TARBP1: variants seen among roughly 807,000 people sequenced by gnomAD.
The protein encoded by TARBP1 is tRNA guanosine 2 -O-methyltransferase TARBP1.
In TARBP1, 144 loss-of-function variants were observed where a neutral mutation model predicts 178.6. That is an observed-to-expected ratio of 0.81 (90% CI 0.70 to 0.93). The LOEUF (loss-of-function observed/expected upper bound fraction) is 0.93, where lower values mean the gene tolerates loss of function less well. Among genes scored for constraint, TARBP1 ranks in the 40% least tolerant of loss-of-function variants. TARBP1 has a pLI of 0.00. For synonymous variants in TARBP1, 787 were observed against 781.0 expected, an observed-to-expected ratio of 1.01 and a Z score of -0.13; for missense variants, 2,067 against 2,011.7, an observed-to-expected ratio of 1.03 and a Z score of -0.53.
intron 25 of TARBP1, 105 bp from the exon 26 acceptor site, chr1:234,398,658 A>G: frequency 1.2e-6 from 1 of 823,566 alleles, no homozygotes; most frequent in Non-Finnish European, 1.8e-6. Context: ...TCTCCAAACT[A>G]TTACATCTGA....
chr1:234,405,927 T>C lies in TARBP1; in HGVS notation c.3965A>G (p.Gln1322Arg). 6.2e-7 allele frequency: 1 copy of C among 1,614,140 alleles called. No homozygotes were observed. The highest frequency in any genetic ancestry group is 1.1e-5 in the South Asian group (1 of 91,082). ...CCCTGCTCCGTGCATGCTTTCCACT[T>C]GATGGAGGCTGGATTCAATCACAGG... The part of the protein sequence containing the change: ...LTPVIESSLH[Q>R]VESMHGAGNA... Residue 1322 changes from glutamine to arginine, a missense_variant, in exon 24 of 30, where the codon CAA becomes CGA. Coordinates refer to ENST00000040877, the MANE Select transcript of TARBP1 (RefSeq NM_005646.4).
chr1:234,420,380 T>C (rs573636970), intron 21 of TARBP1, among the ~76,000 whole-genome samples: 51 of 152,206 alleles, frequency 3.4e-4, no homozygotes, highest in African/African-American at 1.2e-3. Flanking sequence ...CTACAGAAAA[T>C]TAGGAGTTAA....
At chr1:234,471,309 TG>T (rs10713847) in intron 2 of TARBP1, 52 bp from the exon 3 acceptor site, 115,401 of 1,227,180 alleles carry the variant, frequency 0.094, 6,691 homozygotes, top group African/African-American at 0.26. Context: ...TCTTGAAAAA[TG>T]TCAGGCAATT....
chr1:234,403,617 C>G (rs201707906), intron 24 of TARBP1, among the ~76,000 whole-genome samples: 1 of 152,196 alleles, frequency 6.6e-6, no homozygotes, highest in Non-Finnish European at 1.5e-5. Context: ...GTGCCTGTCA[C>G]AAGCCGATCC....
chr1:234,416,455 C>A (rs1312220533), intron 22 of TARBP1, among the ~76,000 whole-genome samples: 1 of 152,174 alleles, frequency 6.6e-6, no homozygotes, highest in Non-Finnish European at 1.5e-5. Context: ...CACCACCCCA[C>A]CTGGCTAATT....
intron 6 of TARBP1, among the ~76,000 whole-genome samples, chr1:234,463,562 G>A (rs1261173345): frequency 6.6e-6 from 1 of 152,104 alleles, no homozygotes; most frequent in Non-Finnish European, 1.5e-5. Context: ...AAACTGAATA[G>A]TAGACAATTA....
chr1:234,395,769 C>A (rs1440101609), intron 26 of TARBP1, among the ~76,000 whole-genome samples: 1 of 152,026 alleles, frequency 6.6e-6, no homozygotes, highest in Non-Finnish European at 1.5e-5. Flanking sequence ...GAAGACTGGG[C>A]CCGTGAAAAC....
intron 3 of TARBP1, among the ~76,000 whole-genome samples, chr1:234,470,620 CT>C (rs1160690637): frequency 0.015 from 2,194 of 146,316 alleles, 51 homozygotes; most frequent in African/African-American, 0.048. Flanking sequence ...AAATTGTGTT[CT>C]TTTTTTTTTT....
At chr1:234,469,207 ATATCT>A (rs1173932441) in intron 3 of TARBP1, among the ~76,000 whole-genome samples, 2 of 151,692 alleles carry the variant, frequency 1.3e-5, no homozygotes, top group Admixed American at 6.6e-5. Context: ...GAATAAATAA[ATATCT>A]TAGAGATATT....
At chr1:234,469,077 T>TTA (rs1413764322) in intron 3 of TARBP1, among the ~76,000 whole-genome samples, 781 of 63,558 alleles carry the variant, frequency 0.012, 20 homozygotes, top group African/African-American at 0.042. Context: ...TTTTTTTTTT[T>TTA]AAAAAAAAAA....
Position 234,433,265 on chromosome 1 carries a change from T to C in TARBP1, c.2394+145A>G, listed in dbSNP as rs1664660840. 12 of 869,068 alleles carry C rather than the reference T, an allele frequency of 1.4e-5. No individual in the cohort carries two copies. The South Asian group carries it at 2.1e-4, about 15-fold the overall frequency. The allele number at this position is 869,068 out of a possible 1,614,324, so 53.8% of individuals were successfully genotyped here. A position where few individuals can be genotyped will look rare whatever the true frequency, so the allele number is the denominator to read the frequency against. ...AAAAACAAAAAGTATCAATCTTAACTACATCTTATCACTAGAGGGTATATT... is the reference window on the plus strand; with the variant it reads ...AAAAACAAAAAGTATCAATCTTAACCACATCTTATCACTAGAGGGTATATT... On this transcript the variant is annotated intron_variant, in intron 14 of 29. Coordinates refer to ENST00000040877, the MANE Select transcript of TARBP1 (RefSeq NM_005646.4).
intron 28 of TARBP1, 61 bp downstream of exon 28, chr1:234,393,301 T>C: frequency 7.3e-7 from 1 of 1,372,762 alleles, no homozygotes; most frequent in South Asian, 2.3e-5. Flanking sequence ...TTATTTTAGG[T>C]TCACGGGTAC....
chr1:234,403,532 G>A (rs928194557), intron 24 of TARBP1, among the ~76,000 whole-genome samples: 5 of 152,066 alleles, frequency 3.3e-5, no homozygotes, highest in African/African-American at 9.7e-5. Flanking sequence ...ATTACTTGAT[G>A]TCTATTCCCA....
chr1:234,474,245 AAC>A (rs35976593), intron 1 of TARBP1, among the ~76,000 whole-genome samples: 5,543 of 81,398 alleles, frequency 0.068, 221 homozygotes, highest in African/African-American at 0.15. Flanking sequence ...TTGTCTCTAA[AAC>A]ACACACACAC....
chr1:234,458,932 A>G (rs111451039), intron 8 of TARBP1, among the ~76,000 whole-genome samples: 100 of 152,328 alleles, frequency 6.6e-4, no homozygotes, highest in African/African-American at 2.1e-3. Context: ...CTGAAATTCC[A>G]GACTCTCAGA....
Position 234,478,431 on chromosome 1 carries a change from G to C in TARBP1, c.673C>G (p.Arg225Gly). The C allele has an allele frequency of 7.2e-7, 1 of 1,387,350 alleles. No homozygotes were observed. Among genetic ancestry groups the C allele is most frequent in the Admixed American group, 2.7e-5 (1 of 36,670 alleles). 85.9% of individuals were successfully genotyped at this position (1,387,350 alleles called of 1,614,324 possible). A position where few individuals can be genotyped will look rare whatever the true frequency, so the allele number is the denominator to read the frequency against. The change falls in exon 1 of 30, where the codon CGC becomes GGC. Residue 225 changes from arginine to glycine, a missense_variant. Physicochemically the swap from Arg to Gly is moderately radical, Grantham distance 125. Coordinates refer to ENST00000040877, the MANE Select transcript of TARBP1 (RefSeq NM_005646.4). Reference protein sequence around the residue: ...AAPGASLGSGRVEEKLLVLSA... With the variant: ...AAPGASLGSGGVEEKLLVLSA... ...AGGACCAGCAGCTTCTCCTCTACGC[G>C]GCCGGACCCCAGGGACGCCCCAGGC... is the stretch of plus-strand genomic sequence containing the variant.
At chr1:234,472,872 T>A (rs751022801) in intron 1 of TARBP1, 61 bp from the exon 2 acceptor site, 688 of 1,240,436 alleles carry the variant, frequency 5.5e-4, no homozygotes, top group Non-Finnish European at 7.0e-4. Flanking sequence ...AGTTTCTCAA[T>A]GACAGCAGTT....
chr1:234,454,904 C>G (rs1667130354), intron 9 of TARBP1, among the ~76,000 whole-genome samples: 1 of 152,024 alleles, frequency 6.6e-6, no homozygotes, highest in Non-Finnish European at 1.5e-5. Context: ...TTGAGGGGGC[C>G]CAATGTAATC....
At position 234,429,459 on chromosome 1, in the gene TARBP1, T is replaced by C. The variant is rs1292706111; in HGVS notation, c.2828A>G (p.Gln943Arg). Residue 943 changes from glutamine (Q) to arginine (R), a missense_variant, in exon 16 of 30, where the codon CAA becomes CGA. Coordinates refer to ENST00000040877, the MANE Select transcript of TARBP1 (RefSeq NM_005646.4). ...LEALTVLSSD[Q>R]VLPVFHCLKV... ...CAAGCAATGGAACACTGGTAAAACTTGATCAGAAGAAAGAACTGTGAGGGC... is the reference window on the plus strand; with the variant it reads ...CAAGCAATGGAACACTGGTAAAACTCGATCAGAAGAAAGAACTGTGAGGGC... 2 of 1,613,830 alleles carry C rather than the reference T, an allele frequency of 1.2e-6. No individual in the cohort carries two copies. Among genetic ancestry groups the C allele is most frequent in the African/African-American group, 2.7e-5 (2 of 74,906 alleles).
Sources: gnomAD v4.1 joint callset for allele counts (sites outside exome capture counted in the v4.1 genomes callset) on GRCh38, gnomAD v4.1.1 for gene constraint, MANE v1.5 for transcripts, NCBI Gene and HGNC (gene_info 2026-07-23, HGNC 2026-07-21) for gene names.